CABP1: variants seen among roughly 807,000 people sequenced by gnomAD.
The protein encoded by CABP1 is calcium binding protein 1, also known as calcium-binding protein 1.
Under a neutral mutation model 34.3 loss-of-function variants are expected in CABP1, and 17 were observed. That is an observed-to-expected ratio of 0.50 (90% CI 0.34 to 0.74). CABP1 has a LOEUF of 0.74. Ranked by LOEUF, CABP1 falls within the 30% of genes least tolerant of loss-of-function variation. CABP1 has a pLI of 0.01. For synonymous variants in CABP1, 198 were observed against 229.2 expected (o/e 0.86, Z 1.23); for missense variants, 373 against 511.1 (o/e 0.73, Z 2.61).
chr12:120,659,083 C>T (rs990956480), intron 1 of CABP1: 3 of 152,212 alleles, frequency 2.0e-5, no homozygotes, highest in Non-Finnish European at 2.9e-5. Flanking sequence ...GCCCAGGAGA[C>T]CTGGGCACTG....
chr12:120,674,598 C>T, the CABP1 span, among the ~76,000 whole-genome samples: 5 of 152,152 alleles, frequency 3.3e-5, no homozygotes, highest in African/African-American at 7.2e-5. Context: ...TTAACAAGCA[C>T]ATGTTTTTTG....
intron 5 of CABP1, among the ~76,000 whole-genome samples, chr12:120,664,098 T>C (rs1382967407): frequency 2.6e-5 from 4 of 152,338 alleles, no homozygotes; most frequent in African/African-American, 7.2e-5. Flanking sequence ...TGTATCCAGG[T>C]AGCGCCCACC....
At position 120,661,151 on chromosome 12, in the gene CABP1, A is replaced by T. The variant is rs1376048508; in HGVS notation, c.1020A>T (p.Gly340=). The change falls in exon 5 of 6, where the codon GGA becomes GGT. Residue 340 remains glycine (G), a synonymous_variant. Coordinates refer to ENST00000316803, the MANE Select transcript of CABP1 (RefSeq NM_001033677.2). This position sits in a 1 kb window ranked among gnomAD's most constrained non-coding sequence, Gnocchi z 5.1. ...GGAAGCTCCTGGGTCATCAGGTGGG[A>T]CACCGAGACATAGAGGAAATTATCC... ...AMRKLLGHQV[G]HRDIEEIIRD... 3 of 1,613,014 alleles carry T rather than the reference A, an allele frequency of 1.9e-6. No homozygotes were observed. Among genetic ancestry groups the T allele is most frequent in the Admixed American group, 1.7e-5 (1 of 59,940 alleles).
At chr12:120,679,580 C>T in the CABP1 span, among the ~76,000 whole-genome samples, 1 of 152,164 alleles carries the variant, frequency 6.6e-6, no homozygotes, top group African/African-American at 2.4e-5. Flanking sequence ...GTAATCTCAG[C>T]ACTTTGAGAA....
rs1295927088 is a variant in CABP1, at chr12:120,640,822, C to A, written c.137C>A (p.Pro46His). 3.7e-6 allele frequency: 4 copies of A among 1,081,760 alleles called. No individual in the cohort carries two copies. The highest frequency in any genetic ancestry group is 4.5e-6 in the Non-Finnish European group (4 of 894,022). 67.0% of individuals were successfully genotyped at this position (1,081,760 alleles called of 1,614,324 possible). A position where few individuals can be genotyped will look rare whatever the true frequency, so the allele number is the denominator to read the frequency against. ...CCCGCGCCGCGCCGCACCGCGCCGCCCCCGCCGGGCCATGCGAGCGCGGGC... is the reference window on the plus strand; with the variant it reads ...CCCGCGCCGCGCCGCACCGCGCCGCACCCGCCGGGCCATGCGAGCGCGGGC... ...GGPAPRRTAP[P>H]PPGHASAGPA... Residue 46 changes from proline (P) to histidine (H), a missense_variant, in exon 1 of 6, where the codon CCC (proline) becomes CAC (histidine). By Grantham distance (77) the Pro-to-His change is moderately conservative (BLOSUM62 -2). This residue lies in a region of CABP1 where 134 missense variants were observed against 145.4 expected (regional missense o/e 0.92). Transcript: ENST00000316803. The surrounding 1 kb of genome is among the most constrained non-coding windows in gnomAD (Gnocchi z 6.2).
intron 1 of CABP1, chr12:120,656,159 G>C: frequency 2.5e-6 from 4 of 1,613,964 alleles, no homozygotes; most frequent in Non-Finnish European, 3.4e-6. Context: ...GGCGGCTGAC[G>C]CCGAGCTCCC....
the CABP1 span, among the ~76,000 whole-genome samples, chr12:120,672,423 G>A: frequency 5.3e-5 from 8 of 151,574 alleles, no homozygotes; most frequent in Non-Finnish European, 1.0e-4. Context: ...ACCTGAGGTC[G>A]GGAGTTCGGG....
At chr12:120,646,403 T>C (rs1262568156) in intron 1 of CABP1, among the ~76,000 whole-genome samples, 1 of 152,170 alleles carries the variant, frequency 6.6e-6, no homozygotes, top group Non-Finnish European at 1.5e-5. Flanking sequence ...GCACTCAAAG[T>C]AGGGCTTCCG....
At position 120,640,758 on chromosome 12, in the gene CABP1, G is replaced by C; in HGVS notation, c.73G>C (p.Gly25Arg). The C allele has an allele frequency of 8.6e-7, 1 of 1,165,150 alleles. No individual in the cohort carries two copies. The allele number at this position is 1,165,150 out of a possible 1,614,324, so 72.2% of individuals were successfully genotyped here. ...CCGCCTCCAGCGCGTCCTCGGGCTT[G>C]GCTCCCGCCGGGAGCCCCGTTCTCT... ...GARLQRVLGL[G>R]SRREPRSLPA... is the part of the protein sequence containing the mutation. Residue 25 changes from glycine (G) to arginine (R), a missense_variant, in exon 1 of 6, where the codon GGC becomes CGC. This residue lies in a region of CABP1 where 134 missense variants were observed against 145.4 expected (regional missense o/e 0.92). Coordinates refer to ENST00000316803, the MANE Select transcript of CABP1 (RefSeq NM_001033677.2). This position sits in a 1 kb window ranked among gnomAD's most constrained non-coding sequence, Gnocchi z 6.2.
In CABP1 at chr12:120,661,235, A is replaced by G. The variant is rs1475460229; in HGVS notation, c.1087+17A>G. On this transcript the variant is annotated intron_variant, in intron 5 of 5. Coordinates refer to ENST00000316803, the MANE Select transcript of CABP1 (RefSeq NM_001033677.2). The surrounding 1 kb of genome is among the most constrained non-coding windows in gnomAD (Gnocchi z 5.1). ...ACTTTGAAGGTAGGTGGGGCTTGAA[A>G]GTGGGAGAGAAGCAAGCCAGCAGTG... 2 of 1,600,134 alleles carry G rather than the reference A, an allele frequency of 1.2e-6. No individual in the cohort carries two copies. Among genetic ancestry groups the G allele is most frequent in the Non-Finnish European group, 1.7e-6 (2 of 1,178,052 alleles).
In CABP1 at chr12:120,641,444, G is replaced by T; in HGVS notation, c.654+105G>T. 1 of 1,167,682 alleles carries T rather than the reference G, an allele frequency of 8.6e-7. No individual in the cohort carries two copies. 72.3% of individuals were successfully genotyped at this position (1,167,682 alleles called of 1,614,324 possible). ...CCTCCCGCGGCCCGTGGTCCCCCAC[G>T]GATCACGCCTCGGCTCACCTCGTCC... On this transcript the variant is annotated intron_variant, in intron 1 of 5. Transcript: ENST00000316803. This position sits in a 1 kb window ranked among gnomAD's most constrained non-coding sequence, Gnocchi z 6.7.
Position 120,640,740 on chromosome 12 carries a change from C to T in CABP1, c.55C>T (p.Gln19Ter). 8.5e-7 allele frequency: 1 copy of T among 1,182,390 alleles called. No individual in the cohort carries two copies. Among genetic ancestry groups the T allele is most frequent in the Non-Finnish European group, 1.0e-6 (1 of 956,378 alleles). 73.2% of individuals were successfully genotyped at this position (1,182,390 alleles called of 1,614,324 possible). ...GCGGCCGGGGGACGGCGCCCGCCTC[C>T]AGCGCGTCCTCGGGCTTGGCTCCCG... is the stretch of plus-strand genomic sequence containing the variant. ...FKRPGDGARL[Q>*]RVLGLGSRRE... The change falls in exon 1 of 6, where the codon CAG becomes TAG. Residue 19 changes from glutamine to a stop codon, truncating the protein, a stop_gained. Coordinates refer to ENST00000316803, the MANE Select transcript of CABP1 (RefSeq NM_001033677.2). LOFTEE classifies it high-confidence loss of function. The surrounding 1 kb of genome is among the most constrained non-coding windows in gnomAD (Gnocchi z 6.2).
chr12:120,655,978 C>A, intron 1 of CABP1: 1 of 1,557,814 alleles, frequency 6.4e-7, no homozygotes, highest in Admixed American at 1.9e-5. Flanking sequence ...CTGAACCCCG[C>A]TCCTTGACTC....
In CABP1 at chr12:120,660,112, C is replaced by A; in HGVS notation, c.686-84C>A. 2 of 1,544,044 alleles carry A rather than the reference C, an allele frequency of 1.3e-6. No homozygotes were observed. Among genetic ancestry groups the A allele is most frequent in the South Asian group, 1.2e-5 (1 of 84,496 alleles). ...AAGCTCCTGGGCCTCTCTTTCCATG[C>A]CGGTGGGCCTTTGGGCTGCCTTTGC... On this transcript the variant is annotated intron_variant, in intron 2 of 5. Transcript: ENST00000316803. The surrounding 1 kb of genome is among the most constrained non-coding windows in gnomAD (Gnocchi z 5.0).
chr12:120,676,433 CTT>C, the CABP1 span, among the ~76,000 whole-genome samples: 1 of 147,580 alleles, frequency 6.8e-6, no homozygotes, highest in Non-Finnish European at 1.5e-5. Context: ...TCTTCTTCTT[CTT>C]TTTTTTTTTG....
At chr12:120,675,279 C>T in the CABP1 span, among the ~76,000 whole-genome samples, 1 of 152,316 alleles carries the variant, frequency 6.6e-6, no homozygotes, top group East Asian at 1.9e-4. Context: ...ACTCAAACTC[C>T]TGACCTCAAT....
rs1880649502 is a variant in CABP1, at chr12:120,661,631, ATTTATCCATCCATCCATCCG to A, written c.1087+415_1087+434del. On this transcript the variant is annotated intron_variant, in intron 5 of 5. Transcript: ENST00000316803. This position sits in a 1 kb window ranked among gnomAD's most constrained non-coding sequence, Gnocchi z 5.1. ...CTATCTGTCCATCATCCATCCATCC[ATTTATCCATCCATCCATCCG>A]TCCATCCATTCGTCTACATATCTAT... 3 of 157,442 alleles carry A rather than the reference ATTTATCCATCCATCCATCCG, an allele frequency of 1.9e-5. No individual in the cohort carries two copies. The highest frequency in any genetic ancestry group is 7.5e-5 in the African/African-American group (3 of 39,802). 9.8% of individuals were successfully genotyped at this position (157,442 alleles called of 1,614,324 possible).
Position 120,641,548 on chromosome 12 carries a change from C to T in CABP1, c.654+209C>T. The T allele has an allele frequency of 6.6e-6, 3 of 455,236 alleles. No individual in the cohort carries two copies. The highest frequency in any genetic ancestry group is 1.1e-5 in the Non-Finnish European group (3 of 281,236). The allele number at this position is 455,236 out of a possible 1,614,324, so 28.2% of individuals were successfully genotyped here. On this transcript the variant is annotated intron_variant, in intron 1 of 5. Coordinates refer to ENST00000316803, the MANE Select transcript of CABP1 (RefSeq NM_001033677.2). The surrounding 1 kb of genome is among the most constrained non-coding windows in gnomAD (Gnocchi z 6.7). ...CCCCGTGCGCTGTCCACGCTCCGGG[C>T]CTCTTGGGGCAAGGCCCTCCCCGCT...
chr12:120,661,231 T>C lies in CABP1; in HGVS notation c.1087+13T>C. 1 of 1,601,302 alleles carries C rather than the reference T, an allele frequency of 6.2e-7. No homozygotes were observed. Among genetic ancestry groups the C allele is most frequent in the Non-Finnish European group, 8.5e-7 (1 of 1,178,386 alleles). ...GTGGACTTTGAAGGTAGGTGGGGCT[T>C]GAAAGTGGGAGAGAAGCAAGCCAGC... On this transcript the variant is annotated intron_variant, in intron 5 of 5. Transcript: ENST00000316803. This position sits in a 1 kb window ranked among gnomAD's most constrained non-coding sequence, Gnocchi z 5.1.
Sources: allele counts gnomAD v4.1 joint callset (sites outside exome capture counted in the v4.1 genomes callset), GRCh38; gene constraint gnomAD v4.1.1; regional missense constraint gnomAD v4.1.1; non-coding constraint Gnocchi (gnomAD v3.1); transcripts MANE v1.5; gene names NCBI Gene and HGNC (gene_info 2026-07-23, HGNC 2026-07-21).